TAFA1: variants seen among roughly 807,000 people sequenced by gnomAD.
TAFA1 encodes chemokine-like protein TAFA-1.
In TAFA1, 4 loss-of-function variants were observed where a neutral mutation model predicts 18.5. The observed-to-expected ratio is 0.22, with a 90% CI of 0.11 to 0.49. The LOEUF (loss-of-function observed/expected upper bound fraction) is 0.49, where lower values mean the gene tolerates loss of function less well. Ranked by LOEUF, TAFA1 falls within the 20% of genes least tolerant of loss-of-function variation. TAFA1 has a pLI of 0.98. For missense variants in TAFA1, 147 were observed against 169.0 expected (o/e 0.87, Z 0.72); for synonymous variants, 56 against 55.2 (o/e 1.01, Z -0.06).
chr3:68,102,698 C>G (rs536341594), intron 2 of TAFA1, among the ~76,000 whole-genome samples: 2 of 152,286 alleles, frequency 1.3e-5, no homozygotes, highest in East Asian at 3.9e-4. Context: ...CTGCTTTTAA[C>G]TTGTTTTTAC....
chr3:68,187,196 T>A (rs1342179026), intron 2 of TAFA1, among the ~76,000 whole-genome samples: 3 of 152,054 alleles, frequency 2.0e-5, no homozygotes, highest in Non-Finnish European at 4.4e-5. Context: ...AAATTTGACA[T>A]CACCTTCTGT....
chr3:68,477,082 C>A (rs2072112892), intron 3 of TAFA1, among the ~76,000 whole-genome samples: 1 of 152,026 alleles, frequency 6.6e-6, no homozygotes, highest in Non-Finnish European at 1.5e-5. Context: ...GCTGCATTCC[C>A]CCAAGGGTAT....
intron 3 of TAFA1, among the ~76,000 whole-genome samples, chr3:68,472,961 G>C (rs1053115324): frequency 6.6e-6 from 1 of 152,120 alleles, no homozygotes; most frequent in African/African-American, 2.4e-5. Flanking sequence ...TTACATGACT[G>C]GCATGAGGGC....
At chr3:68,297,935 C>T (rs1420539728) in intron 2 of TAFA1, among the ~76,000 whole-genome samples, 4 of 152,148 alleles carry the variant, frequency 2.6e-5, no homozygotes, top group Non-Finnish European at 5.9e-5. Context: ...TCTTGTTTTT[C>T]ACTCAATAAG....
intron 2 of TAFA1, among the ~76,000 whole-genome samples, chr3:68,276,244 A>G (rs1360957909): frequency 5.3e-5 from 8 of 152,110 alleles, no homozygotes; most frequent in African/African-American, 1.2e-4. Context: ...AAAATTATCT[A>G]AAGCAACGCT....
At chr3:68,428,383 A>G (rs1447235175) in intron 3 of TAFA1, among the ~76,000 whole-genome samples, 1 of 151,952 alleles carries the variant, frequency 6.6e-6, no homozygotes, top group Non-Finnish European at 1.5e-5. Flanking sequence ...ACCATCCATT[A>G]ACAGCAGCTA....
At chr3:68,323,180 T>C (rs2068720681) in intron 2 of TAFA1, among the ~76,000 whole-genome samples, 1 of 152,214 alleles carries the variant, frequency 6.6e-6, no homozygotes, top group African/African-American at 2.4e-5. Flanking sequence ...ACCAGGGCTG[T>C]CTGCCCTAGA....
Position 68,006,688 on chromosome 3 carries a change from T to A in TAFA1, c.62T>A (p.Leu21Gln), listed in dbSNP as rs776397367. Residue 21 changes from leucine (L) to glutamine (Q), a missense_variant, in exon 2 of 5, where the codon CTA becomes CAA. By Grantham distance (113) the Leu-to-Gln change is moderately radical (BLOSUM62 -2). Transcript: ENST00000478136. The part of the protein sequence containing the change: ...LYLWISACAM[L>Q]LCHGSLQHTF... ...TTGTGGATAAGTGCTTGTGCAATGC[T>A]ACTCTGCCATGGATCCCTTCAGCAC... 6.2e-7 allele frequency: 1 copy of A among 1,614,058 alleles called. No individual in the cohort carries two copies. The highest frequency in any genetic ancestry group is 1.1e-5 in the South Asian group (1 of 91,084).
chr3:68,483,673 G>T (rs895869920), intron 3 of TAFA1, among the ~76,000 whole-genome samples: 1 of 152,212 alleles, frequency 6.6e-6, no homozygotes, highest in Non-Finnish European at 1.5e-5. Flanking sequence ...ACCTAGGGTG[G>T]TTTGAAAAAT....
the TAFA1 span, among the ~76,000 whole-genome samples, chr3:67,997,793 G>A: frequency 6.6e-6 from 1 of 151,316 alleles, no homozygotes; most frequent in African/African-American, 2.4e-5. Flanking sequence ...AAAAAGAAAG[G>A]CATTCCTGTT....
intron 3 of TAFA1, among the ~76,000 whole-genome samples, chr3:68,462,169 A>C (rs1488866679): frequency 1.3e-5 from 2 of 152,124 alleles, no homozygotes; most frequent in East Asian, 3.9e-4. Context: ...ATCTACACTT[A>C]TATTTTTCAA....
chr3:68,095,401 G>A (rs1278901157), intron 2 of TAFA1, among the ~76,000 whole-genome samples: 3 of 152,078 alleles, frequency 2.0e-5, no homozygotes, highest in African/African-American at 7.2e-5. Flanking sequence ...AAGCCTGTAG[G>A]CACTCAGACA....
intron 2 of TAFA1, among the ~76,000 whole-genome samples, chr3:68,016,097 C>A (rs1313850085): frequency 1.3e-5 from 2 of 152,050 alleles, no homozygotes; most frequent in African/African-American, 4.8e-5. Context: ...TTAGTTTCAT[C>A]ATTATCAATT....
At chr3:68,362,858 G>A (rs1277873085) in intron 2 of TAFA1, among the ~76,000 whole-genome samples, 1 of 151,722 alleles carries the variant, frequency 6.6e-6, no homozygotes, top group East Asian at 1.9e-4. Flanking sequence ...ATTAAATGTG[G>A]GGCATGTCAT....
chr3:68,392,730 A>T (rs529869047), intron 2 of TAFA1, among the ~76,000 whole-genome samples: 191 of 152,322 alleles, frequency 1.3e-3, no homozygotes, highest in African/African-American at 4.4e-3. Flanking sequence ...ACTACATGGA[A>T]ACTGAACAAC....
intron 2 of TAFA1, among the ~76,000 whole-genome samples, chr3:68,402,139 T>A (rs2106749832): frequency 6.6e-6 from 1 of 152,298 alleles, no homozygotes; most frequent in Admixed American, 6.5e-5. Context: ...TTGAAATTAG[T>A]GAGCATGAGA....
intron 3 of TAFA1, among the ~76,000 whole-genome samples, chr3:68,518,942 T>C (rs75848125): frequency 1.3e-5 from 2 of 152,370 alleles, no homozygotes; most frequent in East Asian, 3.9e-4. Flanking sequence ...AACCTAGCAG[T>C]TAATTTAAGT....
At chr3:68,188,497 G>GTA (rs1321120446) in intron 2 of TAFA1, among the ~76,000 whole-genome samples, 4 of 118,248 alleles carry the variant, frequency 3.4e-5, no homozygotes, top group African/African-American at 6.1e-5. Context: ...TAATGTATGT[G>GTA]TATATATATT....
At chr3:68,519,984 A>C (rs909116768) in intron 3 of TAFA1, among the ~76,000 whole-genome samples, 29 of 152,204 alleles carry the variant, frequency 1.9e-4, no homozygotes, top group Non-Finnish European at 4.4e-5. Context: ...AAATGAAAGG[A>C]AGTAATTTGG....
Sources: gnomAD v4.1 joint callset for allele counts (sites outside exome capture counted in the v4.1 genomes callset) on GRCh38, gnomAD v4.1.1 for gene constraint, MANE v1.5 for transcripts, NCBI Gene and HGNC (gene_info 2026-07-23, HGNC 2026-07-21) for gene names.